PLPP3: variants seen among roughly 807,000 people sequenced by gnomAD.
PLPP3 encodes phospholipid phosphatase 3.
Under a neutral mutation model 29.6 loss-of-function variants are expected in PLPP3, and 6 were observed. The observed-to-expected ratio is 0.20, with a 90% CI of 0.11 to 0.40. The LOEUF is 0.40. Ranked by LOEUF, PLPP3 falls within the 10% of genes least tolerant of loss-of-function variation. The pLI is 1.00. For missense variants in PLPP3, 308 were observed against 407.7 expected, an observed-to-expected ratio of 0.76 and a Z score of 2.11; for synonymous variants, 152 against 159.7, an observed-to-expected ratio of 0.95 and a Z score of 0.36.
At chr1:56,518,810 A>C (rs900340003) in intron 4 of PLPP3, among the ~76,000 whole-genome samples, 4 of 151,290 alleles carry the variant, frequency 2.6e-5, no homozygotes, top group Admixed American at 1.3e-4. Flanking sequence ...TTGGCCTCCC[A>C]AAGTGCTGAG....
chr1:56,560,649 C>T (rs1268740428), intron 1 of PLPP3, among the ~76,000 whole-genome samples: 2 of 152,148 alleles, frequency 1.3e-5, no homozygotes, highest in Admixed American at 6.5e-5. Context: ...ACCTAATTAC[C>T]TCTTAAAGCC....
At position 56,579,097 on chromosome 1, in the gene PLPP3, TC is replaced by T; in HGVS notation, c.-82del. 1.3e-6 allele frequency: 2 copies of T among 1,544,808 alleles called. No individual in the cohort carries two copies. On this transcript the variant is annotated 5_prime_UTR_variant, in exon 1 of 6. Coordinates refer to ENST00000371250, the MANE Select transcript of PLPP3 (RefSeq NM_003713.5). ...CACACACCCAGGCGCCCGGGTCGCC[TC>T]CTGGCCGAGGCTGCTGCGGATAGTG...
chr1:56,509,853 A>AAAAAAAAAT (rs377448398), intron 5 of PLPP3, among the ~76,000 whole-genome samples: 3 of 139,268 alleles, frequency 2.2e-5, no homozygotes, highest in Admixed American at 7.3e-5. Flanking sequence ...AAAAAAAAAA[A>AAAAAAAAAT]GGAAGACAAT....
intron 1 of PLPP3, among the ~76,000 whole-genome samples, chr1:56,557,024 G>GA (rs1179095289): frequency 0.018 from 69 of 3,778 alleles, no homozygotes; most frequent in Admixed American, 0.052. Flanking sequence ...GAGAGAGAGA[G>GA]AAAGAGAGAG....
chr1:56,569,686 C>A (rs1646184814), intron 1 of PLPP3, among the ~76,000 whole-genome samples: 1 of 152,208 alleles, frequency 6.6e-6, no homozygotes, highest in Non-Finnish European at 1.5e-5. Flanking sequence ...AATTCCTTAG[C>A]TGCCTGCCAT....
chr1:56,558,997 C>T (rs547050189), intron 1 of PLPP3, among the ~76,000 whole-genome samples: 1 of 152,262 alleles, frequency 6.6e-6, no homozygotes, highest in Admixed American at 6.5e-5. Context: ...TCAACTGCCT[C>T]ATTATTTAGG....
chr1:56,561,200 T>C (rs1646125837), intron 1 of PLPP3, among the ~76,000 whole-genome samples: 1 of 151,762 alleles, frequency 6.6e-6, no homozygotes, highest in Non-Finnish European at 1.5e-5. Flanking sequence ...GCCTTCTAAA[T>C]ACAGCCCTAG....
intron 1 of PLPP3, among the ~76,000 whole-genome samples, chr1:56,555,232 G>A (rs533713659): frequency 6.7e-6 from 1 of 150,134 alleles, no homozygotes; most frequent in African/African-American, 2.4e-5. Flanking sequence ...AGCTGAACCG[G>A]CCCCATCCAA....
chr1:56,554,529 G>A (rs964539656), intron 1 of PLPP3, among the ~76,000 whole-genome samples: 14 of 147,748 alleles, frequency 9.5e-5, no homozygotes, highest in Non-Finnish European at 1.6e-4. Flanking sequence ...CAGAGATCAC[G>A]CCTCTGCACT....
At chr1:56,519,405 G>A (rs1645803994) in intron 4 of PLPP3, among the ~76,000 whole-genome samples, 1 of 152,140 alleles carries the variant, frequency 6.6e-6, no homozygotes, top group Admixed American at 6.5e-5. Flanking sequence ...TTATCATTGT[G>A]TACTGTTTCT....
At position 56,547,556 on chromosome 1, in the gene PLPP3, C is replaced by A. The variant is rs139611720; in HGVS notation, c.140-10444G>T. Among the ~76,000 whole-genome samples the A allele has an allele frequency of 6.3e-4, 96 of 152,188 alleles. No individual in the cohort carries two copies. In the East Asian group the frequency reaches 0.01, roughly 17 times the overall value. ...TCAAGTCTCAGATGGGTGGTTAGGC[C>A]GGATGGCTAAGAATAAGACACTTAT... On this transcript the variant is annotated intron_variant, in intron 1 of 5. Transcript: ENST00000371250.
chr1:56,553,022 A>G (rs898635106), intron 1 of PLPP3, among the ~76,000 whole-genome samples: 4 of 152,128 alleles, frequency 2.6e-5, no homozygotes, highest in African/African-American at 7.2e-5. Flanking sequence ...TCATGTCCCA[A>G]AGCAAATTCA....
chr1:56,537,734 T>G (rs1162471047), intron 1 of PLPP3, among the ~76,000 whole-genome samples: 1 of 151,902 alleles, frequency 6.6e-6, no homozygotes, highest in African/African-American at 2.4e-5. Flanking sequence ...AGCTGCTTCA[T>G]GAATGCCATT....
rs1646082996 is a variant in PLPP3, at chr1:56,557,005, AGAAAGAGAGAGAGAGAG to A, written c.140-19910_140-19894del. Among the ~76,000 whole-genome samples, 7 of 6,314 alleles carry A rather than the reference AGAAAGAGAGAGAGAGAG, an allele frequency of 1.1e-3. 1 individual carries two copies. Among genetic ancestry groups the A allele is most frequent in the African/African-American group, 3.5e-3 (7 of 1,988 alleles). 4.1% of individuals were successfully genotyped at this position (6,314 alleles called of 152,430 possible). A position where few individuals can be genotyped will look rare whatever the true frequency, so the allele number is the denominator to read the frequency against. ...AAGAAAGAAAGAAAGAAAGAAAGAAAGAAAGAGAGAGAGAGAGAGAAAGAGAGAGAGAGAGAGAGAGA... is the reference window on the plus strand; with the variant it reads ...AAGAAAGAAAGAAAGAAAGAAAGAAAAGAAAGAGAGAGAGAGAGAGAGAGA... On this transcript the variant is annotated intron_variant, in intron 1 of 5. Transcript: ENST00000371250.
chr1:56,557,173 A>C (rs956057758), intron 1 of PLPP3, among the ~76,000 whole-genome samples: 7 of 151,284 alleles, frequency 4.6e-5, no homozygotes, highest in Non-Finnish European at 1.0e-4. Flanking sequence ...AGGTCAAGAG[A>C]TCAAGACAAT....
At chr1:56,504,083 A>C (rs1461975416) in intron 5 of PLPP3, among the ~76,000 whole-genome samples, 1 of 152,194 alleles carries the variant, frequency 6.6e-6, no homozygotes, top group Admixed American at 6.5e-5. Context: ...CTTATGAAGG[A>C]CTATTCACAT....
chr1:56,506,775 G>A (rs1645704982), intron 5 of PLPP3, among the ~76,000 whole-genome samples: 1 of 152,194 alleles, frequency 6.6e-6, no homozygotes, highest in Non-Finnish European at 1.5e-5. Flanking sequence ...GGCGGGAGGG[G>A]GCTGGGAGAG....
chr1:56,564,694 GA>G (rs1453780442), intron 1 of PLPP3, among the ~76,000 whole-genome samples: 1 of 152,176 alleles, frequency 6.6e-6, no homozygotes, highest in East Asian at 1.9e-4. Flanking sequence ...TTTGACTCAA[GA>G]AGTATATTTT....
At chr1:56,566,940 A>G (rs1393128576) in intron 1 of PLPP3, among the ~76,000 whole-genome samples, 1 of 152,210 alleles carries the variant, frequency 6.6e-6, no homozygotes, top group Non-Finnish European at 1.5e-5. Context: ...AGAGGTGGGG[A>G]AAAGGGTGAA....
Sources: allele counts gnomAD v4.1 joint callset (sites outside exome capture counted in the v4.1 genomes callset), GRCh38; gene constraint gnomAD v4.1.1; transcripts MANE v1.5; gene names NCBI Gene and HGNC (gene_info 2026-07-23, HGNC 2026-07-21).